POLI: variants seen among roughly 807,000 people sequenced by gnomAD.
POLI encodes the protein RAD30 homolog B.
In POLI, 58 loss-of-function variants were observed where a neutral mutation model predicts 51.6. The ratio of observed to expected loss-of-function variants is 1.12; its 90% confidence interval spans 0.91 to 1.40. The LOEUF is 1.40. Among genes scored for constraint, POLI ranks in the 40% most tolerant of loss-of-function variants. The pLI is 0.00. For missense variants in POLI, 921 were observed against 871.3 expected (o/e 1.06, Z -0.72); for synonymous variants, 322 against 299.7 (o/e 1.07, Z -0.77).
chr18:54,299,054 C>T (rs1158325499), downstream of POLI, among the ~76,000 whole-genome samples: 1 of 152,112 alleles, frequency 6.6e-6, no homozygotes, highest in Non-Finnish European at 1.5e-5. Context: ...TATGAAACAT[C>T]ATAGCTTAGC....
rs1489495978 is a variant in POLI, at chr18:54,295,767, A to G, written c.*1300A>G. ...CTCAGCCTCCTGAGTAGCTGGGATT[A>G]CACGCATGCCCTACCACACCCAGCA... On this transcript the variant is annotated 3_prime_UTR_variant, in exon 10 of 10. Transcript: ENST00000579534. 1.0e-5 allele frequency: 2 copies of G among 192,626 alleles called. No homozygotes were observed. Among genetic ancestry groups the G allele is most frequent in the Non-Finnish European group, 1.9e-5 (2 of 105,134 alleles). The allele number at this position is 192,626 out of a possible 1,614,324, so 11.9% of individuals were successfully genotyped here.
chr18:54,276,745 T>A (rs1001174817), intron 3 of POLI, among the ~76,000 whole-genome samples: 5 of 152,236 alleles, frequency 3.3e-5, no homozygotes, highest in African/African-American at 1.2e-4. Flanking sequence ...CATTGTTACC[T>A]TTATTGGTTT....
At position 54,293,922 on chromosome 18, in the gene POLI, T is replaced by C. The variant is rs3218787; in HGVS notation, c.1678T>C (p.Cys560Arg). The C allele has an allele frequency of 1.8e-5, 29 of 1,612,966 alleles. 1 individual carries two copies. The highest frequency in any genetic ancestry group is 1.6e-4 in the Middle Eastern group (1 of 6,072). The change falls in exon 10 of 10, where the codon TGT (cysteine) becomes CGT (arginine). Residue 560 changes from cysteine to arginine, a missense_variant. By Grantham distance (180) the Cys-to-Arg change is radical. Transcript: ENST00000579534. ...EKFQGKGSVS[C>R]PLHASRGVLS... ...ATTTCAAGGGAAAGGAAGTGTGAGTTGTCCATTACATGCCTCTAGAGGAGT... is the reference window on the plus strand; with the variant it reads ...ATTTCAAGGGAAAGGAAGTGTGAGTCGTCCATTACATGCCTCTAGAGGAGT...
chr18:54,294,320 T>C lies in POLI; in HGVS notation c.2076T>C (p.Asn692=), dbSNP rs1568146002. 6.2e-7 allele frequency: 1 copy of C among 1,613,418 alleles called. No individual in the cohort carries two copies. Among genetic ancestry groups the C allele is most frequent in the Admixed American group, 1.7e-5 (1 of 59,970 alleles). The change falls in exon 10 of 10, where the codon AAT becomes AAC. Residue 692 remains asparagine, a synonymous_variant. Transcript: ENST00000579534. ...ATDSHEGLTE[N]REPDSVDEKI... is the part of the protein sequence containing the mutation. ...ACTCTCATGAAGGACTTACAGAAAA[T>C]AGAGAGCCAGATTCTGTTGATGAGA... is the stretch of plus-strand genomic sequence containing the variant.
chr18:54,284,062 T>C, intron 7 of POLI, 49 bp downstream of exon 7: 4 of 645,552 alleles, frequency 6.2e-6, no homozygotes, highest in Non-Finnish European at 1.1e-5. Flanking sequence ...TCATTCTATA[T>C]ACGGTATGTG....
At chr18:54,276,239 A>G (rs1443617637) in intron 3 of POLI, among the ~76,000 whole-genome samples, 3 of 151,912 alleles carry the variant, frequency 2.0e-5, no homozygotes, top group Admixed American at 6.6e-5. Flanking sequence ...AGCTGGTAGC[A>G]TGTGCCTGCA....
At chr18:54,307,534 G>A (rs892691095) in intron 3 of POLI, among the ~76,000 whole-genome samples, 1 of 152,220 alleles carries the variant, frequency 6.6e-6, no homozygotes, top group South Asian at 2.1e-4. Flanking sequence ...TAAGTGCGAT[G>A]TGGTGCTGAG....
chr18:54,304,379 A>G (rs1436368685), intron 3 of POLI, among the ~76,000 whole-genome samples: 5 of 152,216 alleles, frequency 3.3e-5, no homozygotes, highest in African/African-American at 1.2e-4. Flanking sequence ...TCCCACCAAC[A>G]GTGTAAAAGC....
At chr18:54,273,848 A>G (rs546621151) in intron 2 of POLI, 78 bp from the exon 3 acceptor site, 2 of 766,044 alleles carry the variant, frequency 2.6e-6, no homozygotes, top group Middle Eastern at 2.7e-4. Context: ...AATTTAGACA[A>G]ATGTAATACG....
intron 2 of POLI, among the ~76,000 whole-genome samples, chr18:54,273,015 A>C (rs1335657862): frequency 6.9e-6 from 1 of 144,292 alleles, no homozygotes. Flanking sequence ...AGAAGTGGAC[A>C]TAACCTTTTT....
intron 8 of POLI, among the ~76,000 whole-genome samples, chr18:54,288,130 A>G (rs1468698634): frequency 6.6e-6 from 1 of 152,226 alleles, no homozygotes; most frequent in Non-Finnish European, 1.5e-5. Context: ...AAGTTTGTGT[A>G]TTAATTTACA....
In POLI at chr18:54,294,089, G is replaced by A. The variant is rs1250670302; in HGVS notation, c.1845G>A (p.Met615Ile). ...SGFNSSSSSY[M>I]SSQKDYSYYL... ...TTAATAGCAGTAGTTCTTCTTACAT[G>A]TCTAGCCAAAAGGATTATTCATATT... The change falls in exon 10 of 10, where the codon ATG becomes ATA. Residue 615 changes from methionine (M) to isoleucine (I), a missense_variant. Met to Ile is a conservative substitution (Grantham distance 10, BLOSUM62 1). Coordinates refer to ENST00000579534, the MANE Select transcript of POLI (RefSeq NM_007195.3). 1.2e-6 allele frequency: 2 copies of A among 1,609,784 alleles called. No homozygotes were observed. The highest frequency in any genetic ancestry group is 2.7e-5 in the African/African-American group (2 of 74,842).
chr18:54,320,935 C>T (rs1367680083), intron 4 of POLI: 1 of 152,010 alleles, frequency 6.6e-6, no homozygotes, highest in Non-Finnish European at 1.5e-5. Context: ...ATCTTGCATA[C>T]CTACAGTACT....
In POLI at chr18:54,297,084, G is replaced by A. The variant is rs903272484; in HGVS notation, c.*2617G>A. 10 of 985,212 alleles carry A rather than the reference G, an allele frequency of 1.0e-5. No individual in the cohort carries two copies. The highest frequency in any genetic ancestry group is 4.7e-5 in the South Asian group (1 of 21,294). The allele number at this position is 985,212 out of a possible 1,614,324, so 61.0% of individuals were successfully genotyped here. ...CTTGGCATACTCTATTCACCTTTGT[G>A]GATCCTGATTGAATGCCTTGTCTTA... On this transcript the variant is annotated 3_prime_UTR_variant, in exon 10 of 10. Coordinates refer to ENST00000579534, the MANE Select transcript of POLI (RefSeq NM_007195.3).
intron 3 of POLI, among the ~76,000 whole-genome samples, chr18:54,309,176 A>G (rs641618): frequency 0.77 from 117,176 of 152,222 alleles, 45,915 homozygotes; most frequent in African/African-American, 0.93. Flanking sequence ...CTGGATTTTA[A>G]AATTTTCAGC....
At chr18:54,298,304 C>A (rs625656), downstream of POLI, 38,769 of 153,208 alleles carry the variant, frequency 0.25, 5,128 homozygotes, top group Middle Eastern at 0.29. Flanking sequence ...TTACTGTGTG[C>A]TTGAACTTAA....
intron 5 of POLI, 93 bp from the exon 6 acceptor site, chr18:54,282,744 T>C (rs35251891): frequency 2.8e-6 from 2 of 720,540 alleles, no homozygotes; most frequent in Admixed American, 5.9e-5. Context: ...TTATAGAACT[T>C]AAAGATAAGA....
intron 9 of POLI, among the ~76,000 whole-genome samples, chr18:54,292,678 T>G (rs2088083262): frequency 6.6e-6 from 1 of 152,140 alleles, no homozygotes; most frequent in African/African-American, 2.4e-5. Flanking sequence ...TAACTCAATT[T>G]AAAATACTTT....
intron 3 of POLI, among the ~76,000 whole-genome samples, chr18:54,311,426 A>G (rs1165411533): frequency 6.6e-6 from 1 of 152,228 alleles, no homozygotes. Context: ...AATTTTAAAA[A>G]GTGGTCAGTA....
Sources: gnomAD v4.1 joint callset for allele counts (sites outside exome capture counted in the v4.1 genomes callset) on GRCh38, gnomAD v4.1.1 for gene constraint, MANE v1.5 for transcripts, NCBI Gene and HGNC (gene_info 2026-07-23, HGNC 2026-07-21) for gene names.